CPEB2: variants seen among roughly 807,000 people sequenced by gnomAD.
CPEB2 encodes cytoplasmic polyadenylation element-binding protein 2.
CPEB2 carries 56 observed loss-of-function variants against 93.6 expected under a neutral mutation model. The observed-to-expected ratio is 0.60, with a 90% CI of 0.48 to 0.75. The LOEUF (loss-of-function observed/expected upper bound fraction) is 0.75, where lower values mean the gene tolerates loss of function less well. Ranked by LOEUF, CPEB2 falls within the 30% of genes least tolerant of loss-of-function variation. CPEB2 has a pLI of 0.00. For synonymous variants in CPEB2, 764 were observed against 586.3 expected, an observed-to-expected ratio of 1.30 and a Z score of -4.38; for missense variants, 1,579 against 1,395.1, an observed-to-expected ratio of 1.13 and a Z score of -2.10.
chr4:15,064,355 T>C (rs1360261140), intron 11 of CPEB2, among the ~76,000 whole-genome samples: 1 of 152,126 alleles, frequency 6.6e-6, no homozygotes, highest in Non-Finnish European at 1.5e-5. Flanking sequence ...TGAAATTCAA[T>C]TTTCCATCTT....
intron 11 of CPEB2, among the ~76,000 whole-genome samples, 167 bp from the exon 12 acceptor site, chr4:15,065,986 T>TGCA (rs1729673391): frequency 1.3e-5 from 2 of 152,124 alleles, no homozygotes; most frequent in South Asian, 4.1e-4. Flanking sequence ...TATAGATTTT[T>TGCA]AAAGTGTTTT....
chr4:15,013,938 C>T (rs1723803569), intron 3 of CPEB2, among the ~76,000 whole-genome samples: 1 of 152,026 alleles, frequency 6.6e-6, no homozygotes, highest in South Asian at 2.1e-4. Flanking sequence ...TAGATACAGA[C>T]ATTCAAGCTG....
chr4:15,048,157 C>T (rs1727891714), intron 6 of CPEB2, among the ~76,000 whole-genome samples: 1 of 151,616 alleles, frequency 6.6e-6, no homozygotes, highest in African/African-American at 2.4e-5. Context: ...AGGATTTTTG[C>T]ATTTGTGTTC....
At chr4:15,026,066 A>T (rs1377346970) in intron 4 of CPEB2, among the ~76,000 whole-genome samples, 6 of 152,108 alleles carry the variant, frequency 3.9e-5, no homozygotes, top group Admixed American at 3.9e-4. Flanking sequence ...CTTCATGTTC[A>T]GTTGGCAGTC....
chr4:15,056,258 A>C (rs1323502752), intron 8 of CPEB2, among the ~76,000 whole-genome samples: 1 of 152,154 alleles, frequency 6.6e-6, no homozygotes, highest in Non-Finnish European at 1.5e-5. Flanking sequence ...GGTATTGTAT[A>C]TAGATAGATA....
chr4:15,049,103 C>CT (rs1404026307), intron 6 of CPEB2, among the ~76,000 whole-genome samples: 1 of 151,714 alleles, frequency 6.6e-6, no homozygotes, highest in Non-Finnish European at 1.5e-5. Flanking sequence ...TCGTTACATT[C>CT]TTTGTTTAGC....
intron 2 of CPEB2, 143 bp from the exon 3 acceptor site, chr4:15,008,195 G>T: frequency 2.1e-6 from 1 of 477,754 alleles, no homozygotes; most frequent in Non-Finnish European, 3.7e-6. Flanking sequence ...TTTTTGTTTT[G>T]TTTTGTTTTT....
At chr4:15,012,590 G>A (rs1248582695) in intron 3 of CPEB2, among the ~76,000 whole-genome samples, 4 of 152,104 alleles carry the variant, frequency 2.6e-5, no homozygotes, top group Non-Finnish European at 5.9e-5. Flanking sequence ...ACTACGTTAT[G>A]CAGTAGAGTA....
intron 8 of CPEB2, among the ~76,000 whole-genome samples, chr4:15,055,970 C>T (rs574503601): frequency 2.0e-5 from 3 of 152,306 alleles, no homozygotes; most frequent in African/African-American, 7.2e-5. Context: ...TCCTGCCCAA[C>T]TCCTAGTGCT....
At chr4:15,032,781 C>T (rs1726251716) in intron 4 of CPEB2, among the ~76,000 whole-genome samples, 1 of 151,876 alleles carries the variant, frequency 6.6e-6, no homozygotes, top group African/African-American at 2.4e-5. Flanking sequence ...TTTGACAGAT[C>T]TATAGATAAA....
chr4:15,065,507 T>G (rs1729619127), intron 11 of CPEB2, among the ~76,000 whole-genome samples: 1 of 152,108 alleles, frequency 6.6e-6, no homozygotes. Context: ...CATTCACAAT[T>G]TAAGCCTCAC....
intron 10 of CPEB2, among the ~76,000 whole-genome samples, chr4:15,061,508 G>T (rs1247775011): frequency 2.0e-5 from 3 of 151,736 alleles, no homozygotes; most frequent in Non-Finnish European, 4.4e-5. Context: ...CAATTATAGT[G>T]GAGTCATGGT....
intron 6 of CPEB2, among the ~76,000 whole-genome samples, chr4:15,051,043 T>C (rs578001020): frequency 1.3e-5 from 2 of 152,350 alleles, no homozygotes; most frequent in East Asian, 3.9e-4. Flanking sequence ...ACTGTCCTTA[T>C]ATCAGTTAAT....
chr4:15,026,701 C>T (rs546891591), intron 4 of CPEB2, among the ~76,000 whole-genome samples: 12 of 152,276 alleles, frequency 7.9e-5, no homozygotes, highest in African/African-American at 2.9e-4. Context: ...ATAATTCATA[C>T]TCTTCAAAAT....
chr4:15,015,592 C>CT (rs1377993914), intron 3 of CPEB2, among the ~76,000 whole-genome samples: 1 of 151,964 alleles, frequency 6.6e-6, no homozygotes, highest in African/African-American at 2.4e-5. Flanking sequence ...CTTAGAAAAG[C>CT]TTTTTAGGTT....
rs1187961086 is a variant in CPEB2, at chr4:15,068,378, G to C, written c.*1998G>C. ...TGTTCCCTATTTGTTACTTAACCAT[G>C]ATCCTCCAGATTTTTTGGAGTATTC... On this transcript the variant is annotated 3_prime_UTR_variant, in exon 12 of 12. Transcript: ENST00000538197. The C allele has an allele frequency of 6.6e-6, 1 of 152,294 alleles. No individual in the cohort carries two copies. Among genetic ancestry groups the C allele is most frequent in the Non-Finnish European group, 1.5e-5 (1 of 67,846 alleles). The allele number at this position is 152,294 out of a possible 1,614,324, so 9.4% of individuals were successfully genotyped here. A position where few individuals can be genotyped will look rare whatever the true frequency, so the allele number is the denominator to read the frequency against.
At chr4:15,051,090 C>A (rs1179896864) in intron 6 of CPEB2, among the ~76,000 whole-genome samples, 1 of 152,172 alleles carries the variant, frequency 6.6e-6, no homozygotes, top group Non-Finnish European at 1.5e-5. Context: ...TTAGATCTCT[C>A]CTTTTTCATT....
intron 3 of CPEB2, among the ~76,000 whole-genome samples, chr4:15,011,951 CT>C (rs1723545942): frequency 9.8e-6 from 1 of 102,388 alleles, no homozygotes; most frequent in African/African-American, 4.6e-5. Context: ...ATTGAAGATA[CT>C]TTCCATTAAT....
intron 9 of CPEB2, among the ~76,000 whole-genome samples, chr4:15,058,767 G>T (rs918011720): frequency 6.6e-6 from 1 of 152,168 alleles, no homozygotes; most frequent in Non-Finnish European, 1.5e-5. Flanking sequence ...TGAGTGGCAG[G>T]CAAGCCAGCA....
Sources: allele counts gnomAD v4.1 joint callset (sites outside exome capture counted in the v4.1 genomes callset), GRCh38; gene constraint gnomAD v4.1.1; transcripts MANE v1.5; gene names NCBI Gene and HGNC (gene_info 2026-07-23, HGNC 2026-07-21).